The following NAALADL2 variants were observed in gnomAD, a reference collection of about 807,000 sequenced individuals.
The protein encoded by NAALADL2 is N-acetylated alpha-linked acidic dipeptidase like 2, also known as inactive N-acetylated-alpha-linked acidic dipeptidase-like protein 2.
A neutral mutation model predicts 87.2 loss-of-function variants in NAALADL2; 76 were observed. That is an observed-to-expected ratio of 0.87 (90% confidence interval 0.72 to 1.05). NAALADL2 has a LOEUF of 1.05. NAALADL2 is among the 50% of genes least tolerant of loss of function. The pLI is 0.00. For synonymous variants in NAALADL2, 354 were observed against 331.0 expected (o/e 1.07, Z -0.75); for missense variants, 1,089 against 945.8 (o/e 1.15, Z -1.99).
chr3:175,430,478 T>A (rs1036940016), intron 5 of NAALADL2, among the ~76,000 whole-genome samples: 3 of 152,006 alleles, frequency 2.0e-5, no homozygotes, highest in African/African-American at 7.2e-5. Flanking sequence ...GAATATTTCA[T>A]CTTTTTGTTG....
rs202056263 is a variant in NAALADL2 at position 174,720,650 on chromosome 3, G to GA, written c.-114-16982dup. On this transcript the variant is annotated intron_variant, in intron 2 of 3. Coordinates refer to the NAALADL2 transcript ENST00000434257. Reference sequence around the variant, plus strand: ...GTTTATTTATCAGCAATGTGTAAATGAAAAAAAAATTATCGTTACAAAAGT... The same window carrying GA: ...GTTTATTTATCAGCAATGTGTAAATGAAAAAAAAAATTATCGTTACAAAAGT... Among the ~76,000 whole-genome samples the GA allele has an allele frequency of 1.1e-4, 16 of 151,474 alleles. No homozygotes were observed. In the East Asian group the frequency reaches 2.3e-3, roughly 22 times the overall value.
intron 11 of NAALADL2, among the ~76,000 whole-genome samples, chr3:175,678,763 T>G (rs916892651): frequency 6.6e-6 from 1 of 151,988 alleles, no homozygotes; most frequent in Non-Finnish European, 1.5e-5. Flanking sequence ...TTAGGAGATA[T>G]ATCTAATGTA....
intron 5 of NAALADL2, among the ~76,000 whole-genome samples, chr3:175,342,505 C>CGTGTGT (rs35444340): frequency 0.019 from 2,716 of 146,704 alleles, 74 homozygotes; most frequent in African/African-American, 0.06. Context: ...CCAAATATTG[C>CGTGTGT]GTGTGTGTGT....
At chr3:175,775,752 T>C (rs1236348193) in intron 13 of NAALADL2, among the ~76,000 whole-genome samples, 1 of 152,126 alleles carries the variant, frequency 6.6e-6, no homozygotes, top group East Asian at 1.9e-4. Context: ...TGTGTTATCA[T>C]ATACAGATAC....
chr3:175,584,555 G>A lies in NAALADL2; in HGVS notation c.1800+8368G>A, dbSNP rs141052147. 7.5e-3 allele frequency among the ~76,000 whole-genome samples: 1,146 copies of A among 152,278 alleles called. 38 individuals carry two copies. Among genetic ancestry groups the A allele is most frequent in the Admixed American group, 0.058 (883 of 15,294 alleles). On this transcript the variant is annotated intron_variant, in intron 10 of 13. Coordinates refer to ENST00000454872, the MANE Select transcript of NAALADL2 (RefSeq NM_207015.3). Reference sequence around the variant, plus strand: ...GTCTCTAATGATGGAAATATGTTCTGAGAAATGTCATTAGGTGATTTTGTT... The same window carrying A: ...GTCTCTAATGATGGAAATATGTTCTAAGAAATGTCATTAGGTGATTTTGTT...
intron 11 of NAALADL2, among the ~76,000 whole-genome samples, chr3:175,666,394 CAT>C (rs1264772441): frequency 5.9e-5 from 9 of 152,136 alleles, no homozygotes; most frequent in Non-Finnish European, 1.3e-4. Context: ...AATATTTGCA[CAT>C]GTTAGAGCAT....
At position 174,459,986 on chromosome 3, in the gene NAALADL2, AT is replaced by A. The variant is rs1041268614; in HGVS notation, c.-184+18956del. ...ATGAGAACATAAATACATGCTGCTA[AT>A]TCAAAATGAAAAAGCAAGCTAAACC... On this transcript the variant is annotated intron_variant, in intron 1 of 3. Coordinates refer to the NAALADL2 transcript ENST00000434257. 4.6e-5 allele frequency among the ~76,000 whole-genome samples: 7 copies of A among 152,306 alleles called. No homozygotes were observed. The East Asian group carries it at 1.4e-3, about 29-fold the overall frequency.
At chr3:174,899,540 T>C (rs549203383) in intron 1 of NAALADL2, among the ~76,000 whole-genome samples, 3 of 152,270 alleles carry the variant, frequency 2.0e-5, no homozygotes, top group African/African-American at 7.2e-5. Context: ...TCTGGCAAGG[T>C]GATGTGTCTG....
In NAALADL2 at chr3:175,013,301, A is replaced by ATATTTTT. The variant is rs1553916905; in HGVS notation, c.44-83488_44-83487insATTTTTT. 2.0e-3 allele frequency among the ~76,000 whole-genome samples: 144 copies of ATATTTTT among 72,022 alleles called. 4 individuals are homozygous for ATATTTTT. The highest frequency in any genetic ancestry group is 8.0e-3 in the African/African-American group (137 of 17,100). 47.2% of individuals were successfully genotyped at this position (72,022 alleles called of 152,430 possible). A position where few individuals can be genotyped will look rare whatever the true frequency, so the allele number is the denominator to read the frequency against. On this transcript the variant is annotated intron_variant, in intron 1 of 13. Transcript: ENST00000454872. ...TACATATATATATATATATATATAT[A>ATATTTTT]TTTTTTTTTTTTTTTGAGACAGGGT... is the stretch of plus-strand genomic sequence containing the variant.
intron 11 of NAALADL2, among the ~76,000 whole-genome samples, chr3:175,687,974 T>G (rs920395589): frequency 5.3e-5 from 8 of 152,244 alleles, no homozygotes; most frequent in Admixed American, 5.2e-4. Context: ...GTGAGCCAAT[T>G]AAACCTCTTT....
chr3:175,543,573 G>A (rs1458496868), intron 9 of NAALADL2, among the ~76,000 whole-genome samples: 5 of 152,092 alleles, frequency 3.3e-5, no homozygotes, highest in South Asian at 2.1e-4. Context: ...CCTTCTTCAC[G>A]TGGTGGCAGC....
chr3:175,661,844 G>A (rs79019989), intron 11 of NAALADL2, among the ~76,000 whole-genome samples: 3,195 of 151,880 alleles, frequency 0.021, 125 homozygotes, highest in African/African-American at 0.074. Flanking sequence ...CTGTTCCATT[G>A]GTCTGTGGGT....
At chr3:175,437,258 G>C (rs1718849897) in intron 5 of NAALADL2, among the ~76,000 whole-genome samples, 2 of 148,362 alleles carry the variant, frequency 1.3e-5, no homozygotes, top group Non-Finnish European at 3.0e-5. Context: ...AAAGTCTCAG[G>C]ATACAAAATC....
intron 13 of NAALADL2, among the ~76,000 whole-genome samples, chr3:175,788,664 TGTA>T: frequency 6.6e-6 from 1 of 152,202 alleles, no homozygotes; most frequent in East Asian, 1.9e-4. Flanking sequence ...AGCATATTCC[TGTA>T]GTTAAGTAAT....
chr3:175,448,687 T>A (rs1721072053), intron 6 of NAALADL2, among the ~76,000 whole-genome samples: 1 of 152,020 alleles, frequency 6.6e-6, no homozygotes, highest in Non-Finnish European at 1.5e-5. Flanking sequence ...AATTCTTTTT[T>A]AAAATTTTTT....
At chr3:174,809,999 T>C (rs1238655750) in intron 3 of NAALADL2, among the ~76,000 whole-genome samples, 1 of 152,164 alleles carries the variant, frequency 6.6e-6, no homozygotes, top group African/African-American at 2.4e-5. Context: ...TGCCTGCTCC[T>C]GCTTTGCCTT....
At position 174,503,908 on chromosome 3, in the gene NAALADL2, G is replaced by A. The variant is rs143873120; in HGVS notation, c.-183-46661G>A. Among the ~76,000 whole-genome samples, 358 of 152,090 alleles carry A rather than the reference G, an allele frequency of 2.4e-3. 3 individuals carry two copies. Among genetic ancestry groups the A allele is most frequent in the African/African-American group, 8.3e-3 (345 of 41,518 alleles). ...AAATTCACAGATTAATAGAGAAAAT[G>A]AATATATTCGATACTAGATTTTTAC... On this transcript the variant is annotated intron_variant, in intron 1 of 3. Coordinates refer to the NAALADL2 transcript ENST00000434257.
intron 2 of NAALADL2, among the ~76,000 whole-genome samples, chr3:174,737,068 G>T (rs923636758): frequency 6.6e-6 from 1 of 152,256 alleles, no homozygotes; most frequent in African/African-American, 2.4e-5. Flanking sequence ...TGCCAACTCA[G>T]GAGGGTGGAG....
At chr3:174,899,878 T>TA (rs11391562) in intron 1 of NAALADL2, among the ~76,000 whole-genome samples, 34,363 of 147,468 alleles carry the variant, frequency 0.23, 4,005 homozygotes, top group East Asian at 0.32. Flanking sequence ...GTCCTGACAG[T>TA]AAAAAAAAAA....
Sources: gnomAD v4.1 joint callset for allele counts (sites outside exome capture counted in the v4.1 genomes callset) on GRCh38, gnomAD v4.1.1 for gene constraint, MANE v1.5 for transcripts, NCBI Gene and HGNC (gene_info 2026-07-23, HGNC 2026-07-21) for gene names.